Variants in SGSM1 observed in about 807,000 individuals in gnomAD.
SGSM1 encodes the protein RUN and TBC1 domain containing 2.
Under a neutral mutation model 133.8 loss-of-function variants are expected in SGSM1, and 73 were observed. That is an observed-to-expected ratio of 0.55 (90% CI 0.45 to 0.66). The LOEUF (loss-of-function observed/expected upper bound fraction) is 0.66, where lower values mean the gene tolerates loss of function less well. SGSM1 is among the 30% of genes least tolerant of loss of function. The probability of loss-of-function intolerance (pLI) is 0.00; values close to 1 mark genes in which losing one functional copy is unlikely to be tolerated. For synonymous variants in SGSM1, 563 were observed against 573.0 expected (o/e 0.98, Z 0.25); for missense variants, 1,213 against 1,448.1 (o/e 0.84, Z 2.64).
At position 24,926,285 on chromosome 22, in the gene SGSM1, GAGCT is replaced by G. The variant is rs1408981031; in HGVS notation, c.*2012_*2015del. On this transcript the variant is annotated 3_prime_UTR_variant, in exon 25 of 25. Coordinates refer to ENST00000400358, the MANE Select transcript of SGSM1 (RefSeq NM_001098497.3). ...CTAGCCAGCCCTTACTTCCTGAAGA[GAGCT>G]CTGTGGGAAACTCGAGGCTACAGTA... 1 of 152,192 alleles carries G rather than the reference GAGCT, an allele frequency of 6.6e-6. No individual in the cohort carries two copies. The highest frequency in any genetic ancestry group is 1.5e-5 in the Non-Finnish European group (1 of 68,068). The allele number at this position is 152,192 out of a possible 1,614,324, so 9.4% of individuals were successfully genotyped here.
intron 15 of SGSM1, 81 bp from the exon 16 acceptor site, chr22:24,886,519 C>A: frequency 1.3e-6 from 2 of 1,498,224 alleles, no homozygotes; most frequent in South Asian, 2.6e-5. Flanking sequence ...ATCTGGCCAA[C>A]ATGGTGAAAC....
chr22:24,923,768 A>C (rs1470181571), intron 24 of SGSM1, among the ~76,000 whole-genome samples: 1 of 152,114 alleles, frequency 6.6e-6, no homozygotes, highest in Non-Finnish European at 1.5e-5. Flanking sequence ...GATTACAGGC[A>C]TGCGCCACCA....
chr22:24,820,480 C>T (rs1029305001), intron 2 of SGSM1, among the ~76,000 whole-genome samples: 3 of 152,174 alleles, frequency 2.0e-5, no homozygotes, highest in African/African-American at 7.2e-5. Context: ...GCCCCAATAA[C>T]CATGTTTAGG....
chr22:24,888,431 T>G (rs1263306378), intron 16 of SGSM1, among the ~76,000 whole-genome samples: 3 of 152,120 alleles, frequency 2.0e-5, no homozygotes, highest in African/African-American at 7.2e-5. Flanking sequence ...CATCATTTGT[T>G]GAAAAGATGT....
chr22:24,904,985 A>G, intron 20 of SGSM1, 120 bp from the exon 21 acceptor site: 1 of 793,700 alleles, frequency 1.3e-6, no homozygotes, highest in Non-Finnish European at 2.2e-6. Flanking sequence ...AGATGCAGGC[A>G]GGAGGCTGAG....
chr22:24,913,042 C>T (rs1601990336), intron 22 of SGSM1, among the ~76,000 whole-genome samples: 2 of 152,046 alleles, frequency 1.3e-5, no homozygotes, highest in East Asian at 3.9e-4. Flanking sequence ...CCTCTCAGAG[C>T]ATAGTCCACG....
At chr22:24,844,461 G>A (rs2147833149) in intron 2 of SGSM1, 1 of 154,760 alleles carries the variant, frequency 6.5e-6, no homozygotes, top group African/African-American at 2.4e-5. Flanking sequence ...GGGAGGCGGA[G>A]GTTGCGATGA....
rs564623600 is a variant in SGSM1 at position 24,893,529 on chromosome 22, C to A, written c.1869C>A (p.Ala623=). 94 of 1,610,906 alleles carry A rather than the reference C, an allele frequency of 5.8e-5. No homozygotes were observed. The highest frequency in any genetic ancestry group is 4.9e-4 in the South Asian group (44 of 90,584). The change falls in exon 17 of 25, where the codon GCC becomes GCA. Residue 623 remains alanine, a synonymous_variant. Coordinates refer to ENST00000400358, the MANE Select transcript of SGSM1 (RefSeq NM_001098497.3). The part of the protein sequence containing the change: ...VRQRERESHA[A]ALAKCSSGAS... Reference sequence around the variant, plus strand: ...AGAGGGAGCGGGAGTCCCATGCGGCCGCCCTGGCCAAATGCTCATCCGGGG... The same window carrying A: ...AGAGGGAGCGGGAGTCCCATGCGGCAGCCCTGGCCAAATGCTCATCCGGGG...
chr22:24,830,785 A>G (rs928295405), intron 2 of SGSM1, among the ~76,000 whole-genome samples: 18 of 152,286 alleles, frequency 1.2e-4, no homozygotes, highest in African/African-American at 4.3e-4. Flanking sequence ...TAGTTGGGGA[A>G]GGGGGTTAGG....
At chr22:24,874,488 G>A in intron 12 of SGSM1, 2 of 1,613,258 alleles carry the variant, frequency 1.2e-6, no homozygotes, top group Non-Finnish European at 1.7e-6. Context: ...CTGCAGGCCG[G>A]TCCATGCTGG....
Position 24,917,649 on chromosome 22 carries a change from C to T in SGSM1, c.2929-9C>T. ...CAGGAGGCTGATGCTGCCTTTCCTTCCTTGACAGATCCTGGACTCAGAGCT... is the reference window on the plus strand; with the variant it reads ...CAGGAGGCTGATGCTGCCTTTCCTTTCTTGACAGATCCTGGACTCAGAGCT... On this transcript the variant is annotated splice_polypyrimidine_tract_variant and intron_variant, in intron 22 of 24. Transcript: ENST00000400358. The T allele has an allele frequency of 6.2e-7, 1 of 1,611,142 alleles. No homozygotes were observed. Among genetic ancestry groups the T allele is most frequent in the Non-Finnish European group, 8.5e-7 (1 of 1,178,364 alleles).
chr22:24,849,123 ATCAC>A (rs999034382), intron 4 of SGSM1, among the ~76,000 whole-genome samples: 1 of 152,190 alleles, frequency 6.6e-6, no homozygotes, highest in African/African-American at 2.4e-5. Flanking sequence ...CATATATGCA[ATCAC>A]TCATTCATAA....
intron 2 of SGSM1, among the ~76,000 whole-genome samples, chr22:24,834,758 C>CTTTTTTTTTTTTTTTTTTTTTT (rs139641): frequency 6.8e-6 from 1 of 146,088 alleles, no homozygotes. Context: ...TCTAAATTTC[C>CTTTTTTTTTTTTTTTTTTTTTT]TTTTTTTTTT....
rs191633199 is a variant in SGSM1, at chr22:24,910,804, G to C, written c.2819-1839G>C. On this transcript the variant is annotated intron_variant, in intron 21 of 24. Transcript: ENST00000400358. ...TACTAAAAATACAAAAGTTAGCCAGGCATTGTGGTGGGGACTTGTAATTCC... is the reference window on the plus strand; with the variant it reads ...TACTAAAAATACAAAAGTTAGCCAGCCATTGTGGTGGGGACTTGTAATTCC... 3.9e-5 allele frequency among the ~76,000 whole-genome samples: 6 copies of C among 152,168 alleles called. No homozygotes were observed. The East Asian group carries it at 1.2e-3, about 29-fold the overall frequency.
chr22:24,827,254 C>G (rs531089977), intron 2 of SGSM1, among the ~76,000 whole-genome samples: 1 of 152,126 alleles, frequency 6.6e-6, no homozygotes, highest in South Asian at 2.1e-4. Context: ...CAGGGCAGGC[C>G]CAGGAGACCC....
intron 20 of SGSM1, 41 bp downstream of exon 20, chr22:24,901,998 T>G (rs139739): frequency 1.4e-5 from 8 of 572,144 alleles, no homozygotes; most frequent in South Asian, 2.1e-5. Context: ...ATGGGGATGG[T>G]GGGTGGGTGG....
chr22:24,922,193 T>A (rs1461796626), intron 24 of SGSM1, among the ~76,000 whole-genome samples: 1 of 146,008 alleles, frequency 6.8e-6, no homozygotes, highest in Non-Finnish European at 1.5e-5. Context: ...TTTTTTTTTT[T>A]TTTTTTTGTG....
At chr22:24,840,995 C>A (rs556589316) in intron 2 of SGSM1, among the ~76,000 whole-genome samples, 13 of 152,034 alleles carry the variant, frequency 8.6e-5, no homozygotes, top group Non-Finnish European at 1.6e-4. Flanking sequence ...GGACTACAGG[C>A]GCCCACCACC....
intron 12 of SGSM1, among the ~76,000 whole-genome samples, chr22:24,872,089 A>G (rs1715364670): frequency 6.6e-6 from 1 of 152,228 alleles, no homozygotes; most frequent in Non-Finnish European, 1.5e-5. Flanking sequence ...TCGTTGTGAC[A>G]GAGGTCATAT....
Sources: gnomAD v4.1 joint callset for allele counts (sites outside exome capture counted in the v4.1 genomes callset) on GRCh38, gnomAD v4.1.1 for gene constraint, MANE v1.5 for transcripts, NCBI Gene and HGNC (gene_info 2026-07-23, HGNC 2026-07-21) for gene names.